The following ADARB2 variants were observed in gnomAD, a reference collection of about 807,000 sequenced individuals.
ADARB2 encodes the protein inactive double-stranded RNA-specific editase B2.
Under a neutral mutation model 62.2 loss-of-function variants are expected in ADARB2, and 25 were observed. The observed-to-expected ratio is 0.40, with a 90% CI of 0.29 to 0.56. The LOEUF is 0.56. Ranked by LOEUF, ADARB2 falls within the 20% of genes least tolerant of loss-of-function variation. ADARB2 has a pLI of 0.43. For missense variants in ADARB2, 1,071 were observed against 1,077.4 expected (o/e 0.99, Z 0.08); for synonymous variants, 572 against 500.8 (o/e 1.14, Z -1.90).
At chr10:1,651,775 G>A (rs576496166) in intron 1 of ADARB2, among the ~76,000 whole-genome samples, 2 of 152,070 alleles carry the variant, frequency 1.3e-5, no homozygotes, top group African/African-American at 4.8e-5. Context: ...CCTGCTTATG[G>A]GTGCTGCTTT....
chr10:1,376,946 C>T (rs368315994), intron 2 of ADARB2, among the ~76,000 whole-genome samples: 1 of 138,680 alleles, frequency 7.2e-6, no homozygotes, highest in East Asian at 2.3e-4. Context: ...TGTGTGTGCG[C>T]TCCTGGGGTG....
At chr10:1,691,526 T>C (rs1834672475) in intron 1 of ADARB2, among the ~76,000 whole-genome samples, 1 of 152,214 alleles carries the variant, frequency 6.6e-6, no homozygotes, top group Non-Finnish European at 1.5e-5. Context: ...CTCCATGACA[T>C]GCACAGCACA....
At chr10:1,442,352 A>C (rs911139736) in intron 1 of ADARB2, among the ~76,000 whole-genome samples, 2 of 152,194 alleles carry the variant, frequency 1.3e-5, no homozygotes, top group African/African-American at 4.8e-5. Flanking sequence ...TGTGGAATTC[A>C]TGTCTTCACA....
chr10:1,608,407 C>A (rs1440766944), intron 1 of ADARB2, among the ~76,000 whole-genome samples: 3 of 151,690 alleles, frequency 2.0e-5, no homozygotes, highest in African/African-American at 7.3e-5. Flanking sequence ...CATGAAAGAA[C>A]TCTACCACTC....
chr10:1,624,160 G>T (rs1437098520), intron 1 of ADARB2, among the ~76,000 whole-genome samples: 1 of 152,154 alleles, frequency 6.6e-6, no homozygotes, highest in Non-Finnish European at 1.5e-5. Flanking sequence ...CCTGAGCCCA[G>T]GAGGCTGAGA....
At chr10:1,688,422 G>T (rs1395864673) in intron 1 of ADARB2, among the ~76,000 whole-genome samples, 1 of 152,226 alleles carries the variant, frequency 6.6e-6, no homozygotes, top group African/African-American at 2.4e-5. Context: ...CTTGGGATGG[G>T]CAGTGAAGGG....
Position 1,737,419 on chromosome 10 carries a change from G to C in ADARB2, c.-269C>G. 1 of 459,174 alleles carries C rather than the reference G, an allele frequency of 2.2e-6. No individual in the cohort carries two copies. Among genetic ancestry groups the C allele is most frequent in the South Asian group, 3.1e-5 (1 of 32,676 alleles). 28.4% of individuals were successfully genotyped at this position (459,174 alleles called of 1,614,324 possible). ...GGGAGGGCGGGGAAGGGCGCGCGGC[G>C]TCCTGAGTGCTCCGAGCTTCCCGCG... On this transcript the variant is annotated 5_prime_UTR_variant, in exon 1 of 10. Coordinates refer to ENST00000381312, the MANE Select transcript of ADARB2 (RefSeq NM_018702.4).
At chr10:1,439,661 T>G (rs1400871108) in intron 1 of ADARB2, among the ~76,000 whole-genome samples, 1 of 128,928 alleles carries the variant, frequency 7.8e-6, no homozygotes, top group South Asian at 2.8e-4. Flanking sequence ...GGTCCTTCAC[T>G]ATGGGGCTCC....
At chr10:1,377,330 G>C (rs372636567) in intron 2 of ADARB2, among the ~76,000 whole-genome samples, 15 of 131,942 alleles carry the variant, frequency 1.1e-4, no homozygotes, top group African/African-American at 4.3e-4. Flanking sequence ...GCACATGCCT[G>C]GTGTGTGCTC....
intron 1 of ADARB2, among the ~76,000 whole-genome samples, chr10:1,633,734 C>T (rs78047380): frequency 0.012 from 1,822 of 152,286 alleles, 13 homozygotes; most frequent in Non-Finnish European, 0.02. Flanking sequence ...AATATTTTCA[C>T]ATGAAATTTT....
intron 2 of ADARB2, among the ~76,000 whole-genome samples, chr10:1,377,181 TGGGG>T (rs1832439116): frequency 1.7e-5 from 2 of 114,336 alleles, no homozygotes; most frequent in African/African-American, 3.4e-5. Context: ...TGTGCGCCTC[TGGGG>T]TGTGTGCTCC....
intron 2 of ADARB2, among the ~76,000 whole-genome samples, chr10:1,366,849 G>C (rs1352945795): frequency 2.6e-5 from 4 of 152,222 alleles, no homozygotes; most frequent in Non-Finnish European, 5.9e-5. Flanking sequence ...CATTGGCTTT[G>C]TCCGTGGGGA....
Position 1,178,693 on chromosome 10 carries a change from C to T in ADARB2, c.*4500G>A, listed in dbSNP as rs1278312766. 1.3e-5 allele frequency: 2 copies of T among 152,210 alleles called. No homozygotes were observed. The highest frequency in any genetic ancestry group is 3.9e-4 in the East Asian group (2 of 5,188). 9.4% of individuals were successfully genotyped at this position (152,210 alleles called of 1,614,324 possible). On this transcript the variant is annotated 3_prime_UTR_variant, in exon 10 of 10. Coordinates refer to ENST00000381312, the MANE Select transcript of ADARB2 (RefSeq NM_018702.4). The stretch of plus-strand genomic sequence containing the variant: ...CCTGGGGGTGCTACTGCCTCTCCTG[C>T]AACACAGGGCTTCTAAATTTCCACC...
intron 1 of ADARB2, among the ~76,000 whole-genome samples, chr10:1,622,268 T>G (rs1215602996): frequency 6.6e-6 from 1 of 152,160 alleles, no homozygotes; most frequent in African/African-American, 2.4e-5. Context: ...AAAATCTTTA[T>G]TAGCTTGAAT....
chr10:1,387,947 A>G (rs1266975408), intron 1 of ADARB2, among the ~76,000 whole-genome samples: 1 of 152,080 alleles, frequency 6.6e-6, no homozygotes, highest in Non-Finnish European at 1.5e-5. Context: ...CAGTTTGAAA[A>G]TCAATCAATG....
In ADARB2 at chr10:1,363,689, C is replaced by T; in HGVS notation, c.416G>A (p.Gly139Asp). The T allele has an allele frequency of 6.2e-7, 1 of 1,611,528 alleles. No homozygotes were observed. Among genetic ancestry groups the T allele is most frequent in the Non-Finnish European group, 8.5e-7 (1 of 1,179,268 alleles). Reference sequence around the variant, plus strand: ...CTGCGACACTGTCCGGTACTGCAGGCCCGGCCTCAGCTCGTGCAGCTGCAC... The same window carrying T: ...CTGCGACACTGTCCGGTACTGCAGGTCCGGCCTCAGCTCGTGCAGCTGCAC... ...ALVQLHELRP[G>D]LQYRTVSQTG... Residue 139 changes from glycine to aspartate, a missense_variant, in exon 3 of 10, where the codon GGC becomes GAC. Physicochemically the swap from Gly to Asp is moderately conservative, Grantham distance 94. Transcript: ENST00000381312.
intron 1 of ADARB2, among the ~76,000 whole-genome samples, chr10:1,465,891 AC>A (rs1831249792): frequency 6.6e-6 from 1 of 152,168 alleles, no homozygotes; most frequent in South Asian, 2.1e-4. Flanking sequence ...TTCAGAGTGT[AC>A]TTTTGCTTTT....
At chr10:1,216,822 A>G in intron 7 of ADARB2, 129 bp downstream of exon 7, 1 of 1,231,610 alleles carries the variant, frequency 8.1e-7, no homozygotes, top group Non-Finnish European at 1.1e-6. Flanking sequence ...TCCACGGCTC[A>G]GGCACAGGGC....
chr10:1,568,112 C>T (rs755788655), intron 1 of ADARB2, among the ~76,000 whole-genome samples: 11 of 152,220 alleles, frequency 7.2e-5, no homozygotes, highest in South Asian at 2.1e-4. Context: ...TGAGAGACGG[C>T]GCAGTGCAAA....
Sources: allele counts gnomAD v4.1 joint callset (sites outside exome capture counted in the v4.1 genomes callset), GRCh38; gene constraint gnomAD v4.1.1; transcripts MANE v1.5; gene names NCBI Gene and HGNC (gene_info 2026-07-23, HGNC 2026-07-21).